Variants in LRP1B observed in about 807,000 individuals in gnomAD.
The protein encoded by LRP1B is low-density lipoprotein receptor-related protein 1B.
A neutral mutation model predicts 556.6 loss-of-function variants in LRP1B; 217 were observed. The observed-to-expected ratio is 0.39, with a 90% CI of 0.35 to 0.44. LRP1B has a LOEUF of 0.44. Among genes scored for constraint, LRP1B ranks in the 20% least tolerant of loss-of-function variants. The pLI, the probability that LRP1B is intolerant of heterozygous loss-of-function variation, is 1.00. For synonymous variants in LRP1B, 2,047 were observed against 1,865.8 expected, an observed-to-expected ratio of 1.10 and a Z score of -2.50; for missense variants, 5,053 against 5,620.8, an observed-to-expected ratio of 0.90 and a Z score of 3.23.
intron 1 of LRP1B, among the ~76,000 whole-genome samples, chr2:142,088,994 AAAG>A (rs768893292): frequency 0.13 from 5,793 of 43,346 alleles, 179 homozygotes; most frequent in Non-Finnish European, 0.17. Context: ...AAAAAAAAAA[AAAG>A]AAAAAGAAAA....
At chr2:140,561,554 G>A (rs902977926) in intron 43 of LRP1B, among the ~76,000 whole-genome samples, 3 of 151,898 alleles carry the variant, frequency 2.0e-5, no homozygotes, top group African/African-American at 7.3e-5. Context: ...TAGAAGTGTC[G>A]GCTGTGACTC....
At chr2:140,588,832 G>A (rs1014007126) in intron 43 of LRP1B, among the ~76,000 whole-genome samples, 2 of 52,284 alleles carry the variant, frequency 3.8e-5, no homozygotes, top group South Asian at 1.2e-3. Flanking sequence ...GGTGGCACAC[G>A]CCTGTAGTCC....
intron 7 of LRP1B, among the ~76,000 whole-genome samples, chr2:141,176,118 A>G (rs1680723657): frequency 6.6e-6 from 1 of 152,082 alleles, no homozygotes; most frequent in South Asian, 2.1e-4. Context: ...ATAGGCTTAT[A>G]AGCAGAAGGG....
rs148213827 is a variant in LRP1B at position 141,295,860 on chromosome 2, C to G, written c.344-41219G>C. ...TTCTGTTGCTGACTTCAGAAGACCTCTTTCAAAGTATGGCTTTCCAGCAGC... is the reference window on the plus strand; with the variant it reads ...TTCTGTTGCTGACTTCAGAAGACCTGTTTCAAAGTATGGCTTTCCAGCAGC... On this transcript the variant is annotated intron_variant, in intron 3 of 90. Transcript: ENST00000389484. Among the ~76,000 whole-genome samples the G allele has an allele frequency of 3.4e-3, 513 of 151,652 alleles. 3 individuals carry two copies. The highest frequency in any genetic ancestry group is 0.012 in the African/African-American group (488 of 41,352).
intron 60 of LRP1B, among the ~76,000 whole-genome samples, chr2:140,458,536 C>G (rs985965769): frequency 6.6e-6 from 1 of 151,862 alleles, no homozygotes; most frequent in African/African-American, 2.4e-5. Context: ...ATGAAAATTC[C>G]CTAACTTATA....
chr2:140,437,359 C>T (rs1686230477), intron 66 of LRP1B, among the ~76,000 whole-genome samples: 1 of 152,172 alleles, frequency 6.6e-6, no homozygotes, highest in African/African-American at 2.4e-5. Flanking sequence ...TGTCTCCCAG[C>T]AGCTCCCTCA....
intron 20 of LRP1B, among the ~76,000 whole-genome samples, chr2:140,934,836 A>G (rs115225658): frequency 6.6e-6 from 1 of 152,254 alleles, no homozygotes; most frequent in African/African-American, 2.4e-5. Flanking sequence ...GTGCCCTCTT[A>G]CTTTCATTTC....
intron 3 of LRP1B, among the ~76,000 whole-genome samples, chr2:141,433,612 T>A (rs528577995): frequency 5.9e-4 from 90 of 152,176 alleles, no homozygotes; most frequent in African/African-American, 2.1e-3. Flanking sequence ...TATCTAATGG[T>A]CTCTATTCTA....
intron 3 of LRP1B, among the ~76,000 whole-genome samples, chr2:141,463,582 T>TGTATATAATATATATTATATAATATTA (rs1405204222): frequency 1.3e-5 from 1 of 78,358 alleles, no homozygotes; most frequent in Non-Finnish European, 2.4e-5. Context: ...TTATATATAA[T>TGTATATAATATATATTATATAATATTA]TATATATAAT....
Position 140,371,326 on chromosome 2 carries a change from A to G in LRP1B, c.10769-41T>C, listed in dbSNP as rs370049972. ...AATTTGAAATTGAGATAGAGTAAAA[A>G]TAACAGGTTTTAGAAATAAAAACAT... On this transcript the variant is annotated intron_variant, in intron 69 of 90. Transcript: ENST00000389484. The G allele has an allele frequency of 6.4e-5, 72 of 1,119,348 alleles. No homozygotes were observed. In the African/African-American group the frequency reaches 9.3e-4, roughly 14 times the overall value. The allele number at this position is 1,119,348 out of a possible 1,614,324, so 69.3% of individuals were successfully genotyped here. A position where few individuals can be genotyped will look rare whatever the true frequency, so the allele number is the denominator to read the frequency against.
chr2:141,837,181 G>A (rs193172517), intron 1 of LRP1B, among the ~76,000 whole-genome samples: 2 of 152,062 alleles, frequency 1.3e-5, no homozygotes, highest in African/African-American at 4.8e-5. Flanking sequence ...TAGACTATCA[G>A]GGAAAGATAG....
chr2:141,443,745 G>C (rs1202082219), intron 3 of LRP1B, among the ~76,000 whole-genome samples: 1 of 152,140 alleles, frequency 6.6e-6, no homozygotes, highest in Non-Finnish European at 1.5e-5. Flanking sequence ...TTGTAGATGT[G>C]TGGCATTATT....
At chr2:141,408,489 G>A (rs1690723813) in intron 3 of LRP1B, among the ~76,000 whole-genome samples, 1 of 151,916 alleles carries the variant, frequency 6.6e-6, no homozygotes, top group Non-Finnish European at 1.5e-5. Context: ...TATAGGTCCA[G>A]GAATAGCTTC....
At chr2:142,119,853 G>T (rs909047595) in intron 1 of LRP1B, among the ~76,000 whole-genome samples, 3 of 151,986 alleles carry the variant, frequency 2.0e-5, no homozygotes, top group East Asian at 3.9e-4. Flanking sequence ...ATCCAAAGTT[G>T]TACAATTGCT....
intron 33 of LRP1B, among the ~76,000 whole-genome samples, chr2:140,772,594 T>A (rs796109683): frequency 5.3e-5 from 8 of 152,138 alleles, no homozygotes; most frequent in African/African-American, 1.9e-4. Flanking sequence ...ACAGGATGAG[T>A]CACTGCCCCC....
Position 142,086,294 on chromosome 2 carries a change from G to A in LRP1B, c.82+44354C>T, listed in dbSNP as rs147876080. Among the ~76,000 whole-genome samples the A allele has an allele frequency of 5.9e-5, 9 of 152,260 alleles. No individual in the cohort carries two copies. The East Asian group carries it at 1.4e-3, about 23-fold the overall frequency. On this transcript the variant is annotated intron_variant, in intron 1 of 90. Coordinates refer to ENST00000389484, the MANE Select transcript of LRP1B (RefSeq NM_018557.3). ...CTCTATGGGCATTTTTCCTGTGGCT[G>A]TGGTGTTGGACAGGAAAACATTTCT...
chr2:142,038,291 G>A (rs750661859), intron 1 of LRP1B, among the ~76,000 whole-genome samples: 1 of 151,508 alleles, frequency 6.6e-6, no homozygotes, highest in Non-Finnish European at 1.5e-5. Context: ...TTTGGTCCCC[G>A]ATGTAATTGG....
At chr2:141,414,071 A>G (rs952967176) in intron 3 of LRP1B, among the ~76,000 whole-genome samples, 4 of 151,962 alleles carry the variant, frequency 2.6e-5, no homozygotes, top group Non-Finnish European at 5.9e-5. Context: ...ACCTGTCTCT[A>G]CTAAAAATAC....
intron 32 of LRP1B, among the ~76,000 whole-genome samples, chr2:140,782,240 C>T (rs1689725921): frequency 6.6e-6 from 1 of 152,042 alleles, no homozygotes; most frequent in African/African-American, 2.4e-5. Context: ...TTGTTAACTC[C>T]CACCCAAAAT....
Sources: allele counts gnomAD v4.1 joint callset (sites outside exome capture counted in the v4.1 genomes callset), GRCh38; gene constraint gnomAD v4.1.1; transcripts MANE v1.5; gene names NCBI Gene and HGNC (gene_info 2026-07-23, HGNC 2026-07-21).